Variants in AGO2 observed in about 807,000 individuals in gnomAD.
AGO2 encodes argonaute RISC catalytic component 2.
In AGO2, 5 loss-of-function variants were observed where a neutral mutation model predicts 102.3. The ratio of observed to expected loss-of-function variants is 0.05; its 90% CI spans 0.03 to 0.10. The LOEUF is 0.10. Ranked by LOEUF, AGO2 falls within the 10% of genes least tolerant of loss-of-function variation. AGO2 has a pLI of 1.00. For missense variants in AGO2, 541 were observed against 1,183.7 expected (o/e 0.46, Z 7.97); for synonymous variants, 449 against 473.1 (o/e 0.95, Z 0.66).
At position 140,549,171 on chromosome 8, in the gene AGO2, T is replaced by C; in HGVS notation, c.1531A>G (p.Thr511Ala). Residue 511 changes from threonine (T) to alanine (A), a missense_variant, in exon 12 of 19, where the codon ACG (threonine) becomes GCG (alanine). Thr to Ala is a moderately conservative substitution (Grantham distance 58, BLOSUM62 0). Coordinates refer to ENST00000220592, the MANE Select transcript of AGO2 (RefSeq NM_012154.5). ...VEPMFRHLKN[T>A]YAGLQLVVVI... is the part of the protein sequence containing the mutation. ...ACCACCAGCTGCAGGCCCGCATACG[T>C]GTTCTTCAGGTGCCGGAACATGGGC... 1 of 1,613,384 alleles carries C rather than the reference T, an allele frequency of 6.2e-7. No individual in the cohort carries two copies. Among genetic ancestry groups the C allele is most frequent in the Non-Finnish European group, 8.5e-7 (1 of 1,179,786 alleles).
chr8:140,560,860 C>T (rs534749023), intron 4 of AGO2, among the ~76,000 whole-genome samples: 5 of 152,264 alleles, frequency 3.3e-5, no homozygotes, highest in Non-Finnish European at 7.3e-5. Flanking sequence ...CTACTCTTCA[C>T]CTCTTGGGGC....
chr8:140,595,964 TAA>T (rs1353962945), intron 1 of AGO2, among the ~76,000 whole-genome samples: 3 of 66,938 alleles, frequency 4.5e-5, no homozygotes, highest in East Asian at 3.2e-4. Context: ...ATAATATATA[TAA>T]ATTATATATA....
At chr8:140,621,864 T>A (rs1313782512) in intron 1 of AGO2, among the ~76,000 whole-genome samples, 2 of 152,176 alleles carry the variant, frequency 1.3e-5, no homozygotes, top group African/African-American at 4.8e-5. Flanking sequence ...GTGCAGCCAC[T>A]GTACAACAGC....
At chr8:140,555,580 C>A in intron 10 of AGO2, 2 of 257,032 alleles carry the variant, frequency 7.8e-6, no homozygotes, top group South Asian at 9.4e-5. Context: ...AATAGAAAAG[C>A]AGTACAGCCT....
chr8:140,628,662 G>C (rs1282530139), intron 1 of AGO2, among the ~76,000 whole-genome samples: 1 of 151,962 alleles, frequency 6.6e-6, no homozygotes, highest in African/African-American at 2.4e-5. Context: ...CCAGCTTCTT[G>C]GGAGGTGGAG....
rs1215177472 is a variant in AGO2 at position 140,557,757 on chromosome 8, C to T, written c.879-521G>A. On this transcript the variant is annotated intron_variant, in intron 7 of 18. Transcript: ENST00000220592. This position sits in a 1 kb window ranked among gnomAD's most constrained non-coding sequence, Gnocchi z 5.9. ...GTTGGCCTCTGTGTGGGGATGAGGGCACGGGGGCTGCTAGTGCAGGGCAAA... is the reference window on the plus strand; with the variant it reads ...GTTGGCCTCTGTGTGGGGATGAGGGTACGGGGGCTGCTAGTGCAGGGCAAA... 1.3e-5 allele frequency among the ~76,000 whole-genome samples: 2 copies of T among 152,182 alleles called. No individual in the cohort carries two copies. The highest frequency in any genetic ancestry group is 2.9e-5 in the Non-Finnish European group (2 of 68,032).
chr8:140,579,827 G>A (rs781525494), intron 2 of AGO2, among the ~76,000 whole-genome samples: 1 of 152,232 alleles, frequency 6.6e-6, no homozygotes, highest in African/African-American at 2.4e-5. Flanking sequence ...CTGCATTCCC[G>A]TGAGTGGCTC....
At chr8:140,558,425 G>T in intron 7 of AGO2, 60 bp downstream of exon 7, 1 of 1,531,218 alleles carries the variant, frequency 6.5e-7, no homozygotes, top group Non-Finnish European at 9.0e-7. Flanking sequence ...TCCAGAGTGT[G>T]CCCGTCGGAG....
At chr8:140,596,149 G>A (rs1368839924) in intron 1 of AGO2, among the ~76,000 whole-genome samples, 1 of 150,642 alleles carries the variant, frequency 6.6e-6, no homozygotes, top group Non-Finnish European at 1.5e-5. Context: ...CACATGGCCT[G>A]TGCTTCTGTA....
rs532886247 is a variant in AGO2 at position 140,565,417 on chromosome 8, C to T, written c.337-2783G>A. ...TCGCGCCACTGCACTCCAGCCTGGG[C>T]GACAGAGCAAGACTCTGTCTCAAAA... On this transcript the variant is annotated intron_variant, in intron 3 of 18. Coordinates refer to ENST00000220592, the MANE Select transcript of AGO2 (RefSeq NM_012154.5). 2.7e-3 allele frequency among the ~76,000 whole-genome samples: 349 copies of T among 128,196 alleles called. 2 individuals carry two copies. Among genetic ancestry groups the T allele is most frequent in the Middle Eastern group, 0.01 (2 of 192 alleles). 84.1% of individuals were successfully genotyped at this position (128,196 alleles called of 152,430 possible). A position where few individuals can be genotyped will look rare whatever the true frequency, so the allele number is the denominator to read the frequency against.
At chr8:140,630,785 G>C (rs1332837083) in intron 1 of AGO2, among the ~76,000 whole-genome samples, 1 of 152,224 alleles carries the variant, frequency 6.6e-6, no homozygotes, top group Non-Finnish European at 1.5e-5. Flanking sequence ...TGCTGAAAGA[G>C]GACCACAAAA....
chr8:140,612,833 TACA>T (rs1180946007), intron 1 of AGO2, among the ~76,000 whole-genome samples: 1 of 151,972 alleles, frequency 6.6e-6, no homozygotes, highest in African/African-American at 2.4e-5. Context: ...CTGAAAAGGC[TACA>T]ACAACAACCC....
At chr8:140,564,663 C>G (rs2073251872) in intron 3 of AGO2, among the ~76,000 whole-genome samples, 1 of 152,170 alleles carries the variant, frequency 6.6e-6, no homozygotes, top group Non-Finnish European at 1.5e-5. Flanking sequence ...CTATATAGGG[C>G]CAGGCACAGT....
intron 2 of AGO2, among the ~76,000 whole-genome samples, chr8:140,578,631 G>A (rs1269452932): frequency 2.6e-5 from 4 of 152,238 alleles, no homozygotes; most frequent in South Asian, 4.1e-4. Context: ...GACAGCCCAG[G>A]AGTTCATTTG....
At position 140,557,605 on chromosome 8, in the gene AGO2, G is replaced by T. The variant is rs1284018025; in HGVS notation, c.879-369C>A. Reference sequence around the variant, plus strand: ...ACGTGCCGCGCGCTCCCGGTGCCCAGAAGGCCTGAAGCCCCCAGGACAGGA... The same window carrying T: ...ACGTGCCGCGCGCTCCCGGTGCCCATAAGGCCTGAAGCCCCCAGGACAGGA... On this transcript the variant is annotated intron_variant, in intron 7 of 18. Transcript: ENST00000220592. This position sits in a 1 kb window ranked among gnomAD's most constrained non-coding sequence, Gnocchi z 5.9. Among the ~76,000 whole-genome samples, 1 of 152,192 alleles carries T rather than the reference G, an allele frequency of 6.6e-6. No homozygotes were observed. The highest frequency in any genetic ancestry group is 1.5e-5 in the Non-Finnish European group (1 of 68,040).
intron 17 of AGO2, 48 bp from the exon 18 acceptor site, chr8:140,532,663 A>G: frequency 1.3e-6 from 2 of 1,556,364 alleles, no homozygotes; most frequent in Non-Finnish European, 8.8e-7. Context: ...TAAAATCTTT[A>G]AAAGGATACT....
At chr8:140,599,056 T>G (rs2073890404) in intron 1 of AGO2, among the ~76,000 whole-genome samples, 1 of 152,244 alleles carries the variant, frequency 6.6e-6, no homozygotes, top group African/African-American at 2.4e-5. Flanking sequence ...CAGGCAGACC[T>G]GGAGCCCAGT....
chr8:140,599,672 A>G (rs1363620545), intron 1 of AGO2, among the ~76,000 whole-genome samples: 4 of 152,084 alleles, frequency 2.6e-5, no homozygotes, highest in Admixed American at 6.5e-5. Flanking sequence ...CAACCCTTAT[A>G]TGATCTACAT....
At chr8:140,619,052 C>T (rs191116246) in intron 1 of AGO2, among the ~76,000 whole-genome samples, 48 of 152,196 alleles carry the variant, frequency 3.2e-4, no homozygotes, top group African/African-American at 9.6e-4. Context: ...GCGGCTCCTC[C>T]GAGAGCAGCT....
Sources: allele counts gnomAD v4.1 joint callset (sites outside exome capture counted in the v4.1 genomes callset), GRCh38; gene constraint gnomAD v4.1.1; non-coding constraint Gnocchi (gnomAD v3.1); transcripts MANE v1.5; gene names NCBI Gene and HGNC (gene_info 2026-07-23, HGNC 2026-07-21).